GLI2: variants seen among roughly 807,000 people sequenced by gnomAD.
The protein encoded by GLI2 is transcription activator GLI2.
A neutral mutation model predicts 78.9 loss-of-function variants in GLI2; 22 were observed. The observed-to-expected ratio is 0.28, with a 90% confidence interval of 0.20 to 0.40. The LOEUF is 0.40. Among genes scored for constraint, GLI2 ranks in the 10% least tolerant of loss-of-function variants. The pLI is 1.00. For synonymous variants in GLI2, 974 were observed against 963.7 expected (o/e 1.01, Z -0.20); for missense variants, 2,097 against 2,213.2 (o/e 0.95, Z 1.05).
rs371747744 is a variant in GLI2, at chr2:120,970,443, T to A, written c.896T>A (p.Ile299Asn). 6.2e-7 allele frequency: 1 copy of A among 1,612,652 alleles called. No homozygotes were observed. The highest frequency in any genetic ancestry group is 2.2e-5 in the East Asian group (1 of 44,764). The change falls in exon 7 of 14, where the codon ATT (isoleucine) becomes AAT (asparagine). Residue 299 changes from isoleucine to asparagine, a missense_variant. Ile to Asn is a moderately radical substitution (Grantham distance 149). Coordinates refer to ENST00000361492, the MANE Select transcript of GLI2 (RefSeq NM_001374353.1). ...ATCAACCCCGTGGCCTACCAGCAGATTCTGAGCCAGCAGAGGGGTCTGGGG... is the reference window on the plus strand; with the variant it reads ...ATCAACCCCGTGGCCTACCAGCAGAATCTGAGCCAGCAGAGGGGTCTGGGG... Reference protein sequence around the residue: ...HPINPVAYQQILSQQRGLGSA... With the variant: ...HPINPVAYQQNLSQQRGLGSA...
intron 2 of GLI2, among the ~76,000 whole-genome samples, chr2:120,897,047 G>T (rs1678005345): frequency 6.6e-6 from 1 of 152,214 alleles, no homozygotes; most frequent in Non-Finnish European, 1.5e-5. Flanking sequence ...GAGGGAGAGG[G>T]GCTGGGGGAA....
intron 2 of GLI2, among the ~76,000 whole-genome samples, chr2:120,819,563 C>T (rs1424664371): frequency 3.3e-5 from 5 of 152,118 alleles, no homozygotes. Flanking sequence ...TCTATCCACC[C>T]TCGTTTTTAA....
At chr2:120,808,666 C>T (rs2104720539) in intron 2 of GLI2, among the ~76,000 whole-genome samples, 1 of 152,322 alleles carries the variant, frequency 6.6e-6, no homozygotes, top group East Asian at 1.9e-4. Flanking sequence ...AGAAAAGCAA[C>T]AGGCACCTTC....
At chr2:120,799,837 C>T (rs1684609981) in intron 2 of GLI2, among the ~76,000 whole-genome samples, 2 of 152,184 alleles carry the variant, frequency 1.3e-5, no homozygotes, top group East Asian at 3.9e-4. Flanking sequence ...TCACTGCCTG[C>T]GGGAGTACAG....
intron 1 of GLI2, among the ~76,000 whole-genome samples, chr2:120,763,167 CT>C (rs1412211893): frequency 1.3e-5 from 2 of 152,214 alleles, no homozygotes; most frequent in African/African-American, 4.8e-5. Context: ...ACCACAGGCC[CT>C]TTCTTGTGCC....
intron 1 of GLI2, among the ~76,000 whole-genome samples, chr2:120,741,420 TTCTC>T (rs1369259539): frequency 1.3e-5 from 2 of 151,448 alleles, no homozygotes; most frequent in South Asian, 2.1e-4. Context: ...TCCTTCCCCT[TTCTC>T]TCTCTTCTGT....
chr2:120,954,370 C>T (rs551601596), intron 4 of GLI2, among the ~76,000 whole-genome samples: 1 of 152,280 alleles, frequency 6.6e-6, no homozygotes, highest in Non-Finnish European at 1.5e-5. Context: ...ATCAGCCTGG[C>T]TGGAGGCCCG....
intron 2 of GLI2, among the ~76,000 whole-genome samples, chr2:120,799,794 C>T (rs1454894835): frequency 1.3e-5 from 2 of 152,162 alleles, no homozygotes; most frequent in Non-Finnish European, 2.9e-5. Context: ...CCTGAGTCCC[C>T]CAGAAGGCTC....
chr2:120,886,970 A>G (rs556821097), intron 2 of GLI2, among the ~76,000 whole-genome samples: 1 of 152,338 alleles, frequency 6.6e-6, no homozygotes, highest in African/African-American at 2.4e-5. Context: ...GGCTCAGAAG[A>G]GAGATCTGGG....
intron 12 of GLI2, 61 bp downstream of exon 12, chr2:120,984,804 C>G: frequency 1.9e-6 from 3 of 1,569,788 alleles, no homozygotes; most frequent in Non-Finnish European, 2.6e-6. Context: ...CCAGGGCCAC[C>G]CCTTGCCACG....
intron 5 of GLI2, among the ~76,000 whole-genome samples, chr2:120,961,952 C>T (rs946878958): frequency 6.6e-6 from 1 of 152,168 alleles, no homozygotes; most frequent in African/African-American, 2.4e-5. Flanking sequence ...AGAGAAGGCT[C>T]CTGGGACCAG....
At chr2:120,957,044 ATACT>A (rs1681303844) in intron 5 of GLI2, among the ~76,000 whole-genome samples, 2 of 151,998 alleles carry the variant, frequency 1.3e-5, no homozygotes, top group African/African-American at 4.8e-5. Context: ...GGCCCACCTC[ATACT>A]TACAGCAACC....
rs2677507 is a variant in GLI2 at position 120,971,747 on chromosome 2, A to G, written c.1060-194A>G. On this transcript the variant is annotated intron_variant, in intron 7 of 13. Coordinates refer to ENST00000361492, the MANE Select transcript of GLI2 (RefSeq NM_001374353.1). ...TGGAGAGATGGGGGTTGGCATGCCC[A>G]GGTCTGGGTGCTCTCCTGTAGCAGG... Among the ~76,000 whole-genome samples, 119,316 of 152,278 alleles carry G rather than the reference A, an allele frequency of 0.78. 51,809 individuals are homozygous for G. Among genetic ancestry groups the G allele is most frequent in the East Asian group, 1 (5,170 of 5,176 alleles).
At chr2:120,950,951 G>A (rs1401466693) in intron 3 of GLI2, among the ~76,000 whole-genome samples, 2 of 152,364 alleles carry the variant, frequency 1.3e-5, no homozygotes, top group African/African-American at 2.4e-5. Flanking sequence ...CCTGCTGTGC[G>A]TGTGCTCCAG....
chr2:120,963,226 C>A (rs1216350101), intron 5 of GLI2, among the ~76,000 whole-genome samples: 2 of 152,226 alleles, frequency 1.3e-5, no homozygotes, highest in African/African-American at 4.8e-5. Flanking sequence ...CATTCATTAG[C>A]AATTTCATTT....
At chr2:120,879,305 A>G (rs72835593) in intron 2 of GLI2, among the ~76,000 whole-genome samples, 3,805 of 152,308 alleles carry the variant, frequency 0.025, 77 homozygotes, top group African/African-American at 0.057. Context: ...TAGTGGCTGC[A>G]GCTGAGTGTT....
chr2:120,825,127 C>T (rs1422959094), intron 2 of GLI2, among the ~76,000 whole-genome samples: 1 of 152,122 alleles, frequency 6.6e-6, no homozygotes, highest in African/African-American at 2.4e-5. Flanking sequence ...TGCCTGGCCC[C>T]CATGATATTT....
intron 2 of GLI2, among the ~76,000 whole-genome samples, chr2:120,865,120 G>C (rs865847942): frequency 6.6e-6 from 1 of 152,190 alleles, no homozygotes; most frequent in Non-Finnish European, 1.5e-5. Flanking sequence ...GGTAGTATCC[G>C]GGGCTGGGGA....
At chr2:120,966,695 G>A (rs550263469) in intron 5 of GLI2, among the ~76,000 whole-genome samples, 9 of 152,344 alleles carry the variant, frequency 5.9e-5, no homozygotes, top group South Asian at 2.1e-4. Context: ...TGGTTGCCTC[G>A]AGGGGCCAAC....
Sources: allele counts gnomAD v4.1 joint callset (sites outside exome capture counted in the v4.1 genomes callset), GRCh38; gene constraint gnomAD v4.1.1; transcripts MANE v1.5; gene names NCBI Gene and HGNC (gene_info 2026-07-23, HGNC 2026-07-21).